PSD3: variants seen among roughly 807,000 people sequenced by gnomAD.
The protein encoded by PSD3 is pleckstrin and Sec7 domain containing 3.
A neutral mutation model predicts 105.5 loss-of-function variants in PSD3; 49 were observed. The observed-to-expected ratio is 0.46, with a 90% confidence interval of 0.37 to 0.59. The LOEUF (loss-of-function observed/expected upper bound fraction) is 0.59. Ranked by LOEUF, PSD3 falls within the 20% of genes least tolerant of loss-of-function variation. PSD3 has a pLI of 0.00. For synonymous variants in PSD3, 557 were observed against 457.8 expected (o/e 1.22, Z -2.77); for missense variants, 1,561 against 1,263.8 (o/e 1.24, Z -3.57).
intron 12 of PSD3, 69 bp downstream of exon 12, chr8:18,600,295 A>G: frequency 6.6e-6 from 9 of 1,354,542 alleles, no homozygotes; most frequent in South Asian, 2.5e-5. Flanking sequence ...ACTACCGTAC[A>G]TACATATACT....
chr8:18,978,582 C>A (rs1825079472), intron 1 of PSD3, among the ~76,000 whole-genome samples: 1 of 152,140 alleles, frequency 6.6e-6, no homozygotes, highest in South Asian at 2.1e-4. Context: ...GGACTAGAGG[C>A]AATAAACACA....
At chr8:19,009,824 G>A (rs974796458) in intron 1 of PSD3, among the ~76,000 whole-genome samples, 1 of 109,802 alleles carries the variant, frequency 9.1e-6, no homozygotes, top group Admixed American at 7.8e-5. Flanking sequence ...CTGAGAGGCA[G>A]GGGTTGCAGT....
chr8:18,802,418 A>G (rs2632847), intron 6 of PSD3: 352,270 of 397,760 alleles, frequency 0.89, 156,597 homozygotes, highest in Non-Finnish European at 0.92. Context: ...ACTATGGTAA[A>G]AAACATACCA....
intron 9 of PSD3, among the ~76,000 whole-genome samples, chr8:18,690,968 T>A (rs1213390162): frequency 6.6e-6 from 1 of 152,218 alleles, no homozygotes; most frequent in Non-Finnish European, 1.5e-5. Flanking sequence ...TAAATCAACC[T>A]TAATGAACAA....
intron 1 of PSD3, among the ~76,000 whole-genome samples, chr8:19,068,174 T>A (rs1280334934): frequency 2.0e-5 from 3 of 151,954 alleles, no homozygotes; most frequent in Non-Finnish European, 4.4e-5. Flanking sequence ...GAGAAGAGGA[T>A]ACAGCCCCTT....
At chr8:18,570,874 T>TATTATTATC (rs1447169016) in intron 14 of PSD3, among the ~76,000 whole-genome samples, 1 of 148,604 alleles carries the variant, frequency 6.7e-6, no homozygotes, top group African/African-American at 2.5e-5. Context: ...TTATTATTAT[T>TATTATTATC]ATTGAGATGG....
At chr8:18,810,270 T>C (rs1017615124) in intron 4 of PSD3, among the ~76,000 whole-genome samples, 2 of 152,206 alleles carry the variant, frequency 1.3e-5, no homozygotes, top group East Asian at 1.9e-4. Context: ...TCAACAGCCA[T>C]CTGCTAAGAG....
chr8:18,565,611 C>G (rs1408544144), intron 14 of PSD3, among the ~76,000 whole-genome samples: 1 of 152,184 alleles, frequency 6.6e-6, no homozygotes, highest in Non-Finnish European at 1.5e-5. Context: ...TTTCCCCACA[C>G]TGTTTATCTT....
chr8:18,947,841 G>A (rs960478355), intron 1 of PSD3, among the ~76,000 whole-genome samples: 5 of 152,070 alleles, frequency 3.3e-5, no homozygotes, highest in Non-Finnish European at 5.9e-5. Flanking sequence ...TTTGAAGTGT[G>A]ACATAGAAAG....
intron 11 of PSD3, among the ~76,000 whole-genome samples, chr8:18,614,657 T>C (rs1479911957): frequency 2.0e-5 from 3 of 152,126 alleles, no homozygotes; most frequent in African/African-American, 7.2e-5. Flanking sequence ...ACAAATGACA[T>C]TTCATATACA....
Position 18,867,979 on chromosome 8 carries a change from G to C in PSD3, c.1329C>G (p.Ser443=), listed in dbSNP as rs200816936. 7 of 1,614,168 alleles carry C rather than the reference G, an allele frequency of 4.3e-6. No individual in the cohort carries two copies. In the Middle Eastern group the frequency reaches 6.6e-4, roughly 152 times the overall value. ...YTEDSTDVYS[S]QFETILDNTS... ...TGTTGTCCAAAATGGTTTCAAACTG[G>C]GAGCTGTACACGTCGGTGGAGTCCT... is the stretch of plus-strand genomic sequence containing the variant. Residue 443 remains serine (S), a synonymous_variant, in exon 4 of 16, where the codon TCC becomes TCG. Coordinates refer to ENST00000327040, the MANE Select transcript of PSD3 (RefSeq NM_015310.4).
At chr8:18,791,745 G>A (rs918796458) in intron 8 of PSD3, among the ~76,000 whole-genome samples, 5 of 152,104 alleles carry the variant, frequency 3.3e-5, no homozygotes, top group Non-Finnish European at 7.4e-5. Flanking sequence ...CAATCAAACT[G>A]AACAGCTTCT....
chr8:18,680,374 T>C (rs1209361123), intron 9 of PSD3, among the ~76,000 whole-genome samples: 2 of 152,176 alleles, frequency 1.3e-5, no homozygotes, highest in Non-Finnish European at 2.9e-5. Flanking sequence ...TAGAATCTAA[T>C]TGATTCTAAA....
chr8:19,072,910 T>C (rs1415493791), intron 1 of PSD3, among the ~76,000 whole-genome samples: 2 of 152,334 alleles, frequency 1.3e-5, no homozygotes, highest in Non-Finnish European at 2.9e-5. Flanking sequence ...TGAATACTTT[T>C]GTACCGTTGA....
chr8:19,057,906 G>A lies in PSD3; in HGVS notation c.324+26300C>T, dbSNP rs750695807. On this transcript the variant is annotated intron_variant, in intron 1 of 1. Transcript: ENST00000521475. ...AGCTTTTTATAAAAGTTAAACATAC[G>A]CTCATCATATGACCCAGCTATCCCA... is the stretch of plus-strand genomic sequence containing the variant. 1.1e-4 allele frequency among the ~76,000 whole-genome samples: 16 copies of A among 152,118 alleles called. 1 individual carries two copies. The highest frequency in any genetic ancestry group is 7.9e-4 in the Admixed American group (12 of 15,268).
chr8:19,058,279 A>T (rs1450073474), intron 1 of PSD3, among the ~76,000 whole-genome samples: 2 of 152,004 alleles, frequency 1.3e-5, no homozygotes, highest in Non-Finnish European at 2.9e-5. Flanking sequence ...GTTTCCAGGG[A>T]TTATGGGTGG....
intron 2 of PSD3, among the ~76,000 whole-genome samples, chr8:18,904,723 G>A (rs1819730648): frequency 1.3e-5 from 2 of 152,310 alleles, no homozygotes; most frequent in Admixed American, 1.3e-4. Flanking sequence ...TAAAGGACCA[G>A]ACAGTAAATA....
intron 9 of PSD3, among the ~76,000 whole-genome samples, chr8:18,744,140 T>G (rs1407237666): frequency 1.3e-5 from 2 of 152,224 alleles, no homozygotes; most frequent in Non-Finnish European, 2.9e-5. Context: ...ATCAATTCCT[T>G]GAAAATAATA....
intron 9 of PSD3, among the ~76,000 whole-genome samples, chr8:18,734,819 T>C (rs989102220): frequency 3.9e-5 from 6 of 152,146 alleles, no homozygotes; most frequent in African/African-American, 9.7e-5. Context: ...TTCTGATGTT[T>C]TGTAAGGTGT....
Sources: allele counts gnomAD v4.1 joint callset (sites outside exome capture counted in the v4.1 genomes callset), GRCh38; gene constraint gnomAD v4.1.1; transcripts MANE v1.5; gene names NCBI Gene and HGNC (gene_info 2026-07-23, HGNC 2026-07-21).